Variants in ALDH3B2 observed in about 807,000 individuals in gnomAD.
The protein encoded by ALDH3B2 is aldehyde dehydrogenase family 3 member B2.
ALDH3B2 carries 45 observed loss-of-function variants against 36.7 expected under a neutral mutation model. The observed-to-expected ratio is 1.23, with a 90% CI of 0.97 to 1.57. ALDH3B2 has a LOEUF of 1.57. Ranked by LOEUF, ALDH3B2 falls within the 40% of genes most tolerant of loss-of-function variation. ALDH3B2 has a pLI of 0.00. For synonymous variants in ALDH3B2, 217 were observed against 226.5 expected, an observed-to-expected ratio of 0.96 and a Z score of 0.38; for missense variants, 464 against 513.3, an observed-to-expected ratio of 0.90 and a Z score of 0.93.
intron 8 of ALDH3B2, chr11:67,664,151 A>G (rs1445294908): frequency 3.2e-6 from 2 of 620,324 alleles, no homozygotes; most frequent in African/African-American, 1.8e-5. Flanking sequence ...ACCTTTGCAC[A>G]GTCCAAGTGC....
chr11:67,667,535 C>A, exon 2 of ALDH3B2: 1 of 386,582 alleles, frequency 2.6e-6, no homozygotes, highest in Non-Finnish European at 4.7e-6. Flanking sequence ...AGGAAGTGGC[C>A]CAGGCCCTGG....
chr11:67,675,642 C>A (rs534216699), upstream of ALDH3B2, among the ~76,000 whole-genome samples: 5 of 152,320 alleles, frequency 3.3e-5, no homozygotes, highest in African/African-American at 1.2e-4. Context: ...TGAGACCAAG[C>A]CCTGGCCCTG....
At chr11:67,663,152 C>G (rs575437317) in exon 10 of ALDH3B2, 2 of 1,519,136 alleles carry the variant, frequency 1.3e-6, no homozygotes, top group South Asian at 2.5e-5. Flanking sequence ...GAGTTGGGAG[C>G]ATAAGCCCCT....
chr11:67,680,924 C>T (rs986821877), intron 1 of ALDH3B2, among the ~76,000 whole-genome samples: 10 of 152,046 alleles, frequency 6.6e-5, no homozygotes, highest in Non-Finnish European at 1.0e-4. Flanking sequence ...GAGGTGGGCA[C>T]GTGACATTGT....
At chr11:67,676,519 A>G (rs955469586), upstream of ALDH3B2, among the ~76,000 whole-genome samples, 6 of 152,070 alleles carry the variant, frequency 3.9e-5, no homozygotes, top group South Asian at 2.1e-4. Context: ...AAGAGCACAG[A>G]CAATCTAAGA....
Position 67,666,696 on chromosome 11 carries a change from T to C in ALDH3B2, c.31-2A>G. 20 of 1,614,094 alleles carry C rather than the reference T, an allele frequency of 1.2e-5. No individual in the cohort carries two copies. Among genetic ancestry groups the C allele is most frequent in the Non-Finnish European group, 1.7e-5 (20 of 1,179,988 alleles). ...GAAGACCGAGTCCAGCTTCATGAAC[T>C]GAGGCACAGGGTAGACAGTGAGGCC... On this transcript the variant is annotated splice_acceptor_variant, in intron 3 of 9. Transcript: ENST00000349015. LOFTEE classifies it high-confidence loss of function.
chr11:67,665,354 G>A, exon 7 of ALDH3B2: 1 of 1,613,330 alleles, frequency 6.2e-7, no homozygotes, highest in East Asian at 2.2e-5. Flanking sequence ...AATGCCCGCA[G>A]CCGCTGGAAC....
chr11:67,667,579 C>T (rs905466619), exon 2 of ALDH3B2: 6 of 376,054 alleles, frequency 1.6e-5, no homozygotes, highest in East Asian at 4.7e-5. Flanking sequence ...CGGCCGCGTG[C>T]GCCCTCAGTT....
exon 7 of ALDH3B2, chr11:67,665,387 C>T: frequency 1.2e-6 from 2 of 1,614,016 alleles, no homozygotes; most frequent in East Asian, 2.2e-5. Context: ...ATGATGTGGC[C>T]CAGGTTTGGG....
chr11:67,679,660 T>A (rs2134164673), upstream of ALDH3B2, among the ~76,000 whole-genome samples: 1 of 150,820 alleles, frequency 6.6e-6, no homozygotes, highest in East Asian at 2.0e-4. Context: ...GCACCTGTAG[T>A]CCCAGCTACT....
rs761921125 is a variant in ALDH3B2 at position 67,666,887 on chromosome 11, G to T, written c.30+19C>A. 5.6e-6 allele frequency: 9 copies of T among 1,614,048 alleles called. No homozygotes were observed. Among genetic ancestry groups the T allele is most frequent in the African/African-American group, 1.3e-5 (1 of 74,930 alleles). Reference sequence around the variant, plus strand: ...CGGTGCCCTGCCCTGCCCTCCTGCCGCCTGCCAGCAGGGCTCACCAGGTTC... The same window carrying T: ...CGGTGCCCTGCCCTGCCCTCCTGCCTCCTGCCAGCAGGGCTCACCAGGTTC... On this transcript the variant is annotated intron_variant, in intron 3 of 9. Coordinates refer to ENST00000349015, the Ensembl canonical transcript of ALDH3B2.
At chr11:67,664,447 G>A (rs772247944) in exon 8 of ALDH3B2, 2 of 1,614,034 alleles carry the variant, frequency 1.2e-6, no homozygotes, top group Admixed American at 3.3e-5. Flanking sequence ...CCTGCCGGTT[G>A]ATGAACTTGA....
rs1167507295 is a variant in ALDH3B2 at position 67,666,427 on chromosome 11, T to TG, written c.152-27dup. 7.5e-6 allele frequency: 12 copies of TG among 1,608,080 alleles called. No individual in the cohort carries two copies. In the Admixed American group the frequency reaches 1.5e-4, roughly 20 times the overall value. ...CTGCAGGGGCAGATGGGGACGTCGT[T>TG]GGGGGAGCCCAGGGTCCCCATGCCC... On this transcript the variant is annotated intron_variant, in intron 4 of 9. Transcript: ENST00000349015.
intron 9 of ALDH3B2, 58 bp downstream of exon 9, chr11:67,663,604 C>T (rs998212659): frequency 6.5e-7 from 1 of 1,527,518 alleles, no homozygotes; most frequent in Non-Finnish European, 9.0e-7. Flanking sequence ...AAGGGACTTC[C>T]TGGGTCTGGG....
intron 1 of ALDH3B2, chr11:67,671,092 G>A (rs61894528): frequency 0.081 from 12,355 of 152,640 alleles, 558 homozygotes; most frequent in Non-Finnish European, 0.099. Context: ...TGCCTTTGGA[G>A]GGATGACCGC....
At chr11:67,678,748 C>T (rs1335636652), upstream of ALDH3B2, among the ~76,000 whole-genome samples, 1 of 148,758 alleles carries the variant, frequency 6.7e-6, no homozygotes, top group Non-Finnish European at 1.5e-5. Flanking sequence ...TATATACATA[C>T]TATGATATAT....
At chr11:67,664,267 G>A in intron 8 of ALDH3B2, 129 bp downstream of exon 8, 7 of 1,404,312 alleles carry the variant, frequency 5.0e-6, no homozygotes, top group Non-Finnish European at 6.8e-6. Context: ...GGTACCAGGT[G>A]GCCTAGATAT....
exon 10 of ALDH3B2, chr11:67,663,126 T>G (rs952946886): frequency 4.2e-6 from 6 of 1,445,028 alleles, no homozygotes; most frequent in Non-Finnish European, 5.6e-6. Flanking sequence ...GAACCTGCGG[T>G]CTGGAGGAAC....
chr11:67,677,817 G>A (rs1856298179), upstream of ALDH3B2, among the ~76,000 whole-genome samples: 1 of 151,998 alleles, frequency 6.6e-6, no homozygotes, highest in Non-Finnish European at 1.5e-5. Context: ...CAGCGACCAA[G>A]CAGAGAATCA....
Sources: gnomAD v4.1 joint callset for allele counts (sites outside exome capture counted in the v4.1 genomes callset) on GRCh38, gnomAD v4.1.1 for gene constraint, MANE v1.5 for transcripts, NCBI Gene and HGNC (gene_info 2026-07-23, HGNC 2026-07-21) for gene names.